The following HCN1 variants were observed in gnomAD, a reference collection of about 807,000 sequenced individuals.
HCN1 encodes potassium/sodium hyperpolarization-activated cyclic nucleotide-gated channel 1.
Under a neutral mutation model 78.9 loss-of-function variants are expected in HCN1, and 13 were observed. The ratio of observed to expected loss-of-function variants is 0.16; its 90% CI spans 0.11 to 0.26. The LOEUF (loss-of-function observed/expected upper bound fraction) is 0.26, where lower values mean the gene tolerates loss of function less well. HCN1 is among the 10% of genes least tolerant of loss of function. HCN1 has a pLI of 1.00. For synonymous variants in HCN1, 552 were observed against 455.5 expected (o/e 1.21, Z -2.70); for missense variants, 810 against 1,154.3 (o/e 0.70, Z 4.32).
At chr5:45,577,938 T>C (rs1322185785) in intron 2 of HCN1, among the ~76,000 whole-genome samples, 1 of 152,074 alleles carries the variant, frequency 6.6e-6, no homozygotes, top group East Asian at 1.9e-4. Flanking sequence ...TTGGAAGTAG[T>C]GTCACTATTC....
intron 2 of HCN1, among the ~76,000 whole-genome samples, chr5:45,518,829 G>A (rs1162362597): frequency 1.3e-5 from 2 of 151,806 alleles, no homozygotes; most frequent in African/African-American, 4.8e-5. Context: ...GAAGAAATTA[G>A]AAAACTCTGT....
intron 5 of HCN1, among the ~76,000 whole-genome samples, chr5:45,327,589 T>C (rs1746260465): frequency 6.6e-6 from 1 of 151,608 alleles, no homozygotes; most frequent in Admixed American, 6.6e-5. Flanking sequence ...ACATTACATG[T>C]GTTAGCATTT....
intron 1 of HCN1, among the ~76,000 whole-genome samples, chr5:45,649,299 C>T (rs1184471003): frequency 6.6e-6 from 1 of 151,710 alleles, no homozygotes; most frequent in African/African-American, 2.4e-5. Flanking sequence ...AAAACTTTAA[C>T]TGAGTGTACA....
chr5:45,279,651 T>C (rs1048413056), intron 6 of HCN1, among the ~76,000 whole-genome samples: 3 of 152,120 alleles, frequency 2.0e-5, no homozygotes, highest in East Asian at 1.9e-4. Context: ...ATATGTTCCT[T>C]GCTCAGATTA....
chr5:45,575,222 T>G (rs1167682922), intron 2 of HCN1: 1 of 152,170 alleles, frequency 6.6e-6, no homozygotes, highest in East Asian at 1.9e-4. Context: ...AAGAACAGTC[T>G]GACTCTCTTT....
Position 45,347,908 on chromosome 5 carries a change from C to T in HCN1, c.1377+5192G>A, listed in dbSNP as rs374971449. 1.9e-3 allele frequency among the ~76,000 whole-genome samples: 285 copies of T among 152,160 alleles called. 1 individual carries two copies. The highest frequency in any genetic ancestry group is 6.6e-3 in the African/African-American group (274 of 41,516). ...GTCTGATTGGTGTACCTGAAAGTGA[C>T]GGGGAGAATGGAACCAAGTTGGAAA... On this transcript the variant is annotated intron_variant, in intron 5 of 7. Transcript: ENST00000303230.
chr5:45,515,483 C>T (rs1426935190), intron 2 of HCN1, among the ~76,000 whole-genome samples: 1 of 151,960 alleles, frequency 6.6e-6, no homozygotes, highest in Non-Finnish European at 1.5e-5. Context: ...CCATTCAATT[C>T]AATTCAAAAT....
chr5:45,327,056 T>C (rs1196597315), intron 5 of HCN1, among the ~76,000 whole-genome samples: 4 of 151,640 alleles, frequency 2.6e-5, no homozygotes, highest in African/African-American at 9.7e-5. Context: ...TTAGAGAATT[T>C]GTATCTCTGC....
chr5:45,274,202 G>A (rs1356631175), intron 6 of HCN1, among the ~76,000 whole-genome samples: 3 of 152,026 alleles, frequency 2.0e-5, no homozygotes, highest in Admixed American at 2.0e-4. Flanking sequence ...GGTATAACTA[G>A]TCATTTCAAC....
intron 6 of HCN1, among the ~76,000 whole-genome samples, chr5:45,276,896 G>T (rs901039321): frequency 4.9e-4 from 75 of 152,180 alleles, no homozygotes; most frequent in African/African-American, 1.8e-3. Context: ...AGGAACAGGA[G>T]GGGAGAGGAG....
chr5:45,341,054 AT>A (rs1400707528), intron 5 of HCN1, among the ~76,000 whole-genome samples: 2 of 152,186 alleles, frequency 1.3e-5, no homozygotes, highest in Non-Finnish European at 2.9e-5. Flanking sequence ...CCTTCATTCT[AT>A]CTTATCTTTC....
intron 6 of HCN1, among the ~76,000 whole-genome samples, chr5:45,279,776 A>G (rs1420589008): frequency 6.6e-6 from 1 of 152,132 alleles, no homozygotes; most frequent in African/African-American, 2.4e-5. Context: ...ATGCATCACT[A>G]AAATATAAAT....
intron 1 of HCN1, among the ~76,000 whole-genome samples, chr5:45,690,669 T>C (rs1263365926): frequency 2.0e-5 from 3 of 152,012 alleles, no homozygotes; most frequent in Non-Finnish European, 4.4e-5. Context: ...AGAGAAAATA[T>C]AATTTTCATA....
At chr5:45,344,204 A>G (rs1466116057) in intron 5 of HCN1, among the ~76,000 whole-genome samples, 1 of 152,168 alleles carries the variant, frequency 6.6e-6, no homozygotes, top group Non-Finnish European at 1.5e-5. Flanking sequence ...CTCACTCACT[A>G]TCACAAGAAT....
At chr5:45,355,183 A>C (rs146315137) in intron 4 of HCN1, among the ~76,000 whole-genome samples, 1 of 152,120 alleles carries the variant, frequency 6.6e-6, no homozygotes, top group Non-Finnish European at 1.5e-5. Flanking sequence ...TTCAAACTAA[A>C]ATTTTAAAGT....
chr5:45,605,636 A>C (rs1341115606), intron 2 of HCN1, among the ~76,000 whole-genome samples: 2 of 151,996 alleles, frequency 1.3e-5, no homozygotes, highest in African/African-American at 4.8e-5. Context: ...ACATGAGTAC[A>C]TAGCCAAAGA....
intron 2 of HCN1, among the ~76,000 whole-genome samples, chr5:45,462,540 T>C (rs1741183837): frequency 6.6e-6 from 1 of 152,096 alleles, no homozygotes; most frequent in African/African-American, 2.4e-5. Context: ...TTGTGGATAC[T>C]GAACATAAAT....
intron 2 of HCN1, among the ~76,000 whole-genome samples, chr5:45,612,555 TC>T (rs1744859070): frequency 6.6e-6 from 1 of 152,180 alleles, no homozygotes; most frequent in Non-Finnish European, 1.5e-5. Flanking sequence ...AATATTGGTT[TC>T]CTGAGGCCCA....
At chr5:45,313,256 G>C (rs920291647) in intron 5 of HCN1, among the ~76,000 whole-genome samples, 6 of 152,076 alleles carry the variant, frequency 3.9e-5, no homozygotes, top group African/African-American at 1.4e-4. Flanking sequence ...AGGCAAACAG[G>C]GTCTGGAGTG....
Sources: gnomAD v4.1 joint callset for allele counts (sites outside exome capture counted in the v4.1 genomes callset) on GRCh38, gnomAD v4.1.1 for gene constraint, MANE v1.5 for transcripts, NCBI Gene and HGNC (gene_info 2026-07-23, HGNC 2026-07-21) for gene names.